The following CDH13 variants were observed in gnomAD, a reference collection of about 807,000 sequenced individuals.
CDH13 encodes cadherin 13.
In CDH13, 24 loss-of-function variants were observed where a neutral mutation model predicts 63.8. The observed-to-expected ratio is 0.38, with a 90% CI of 0.27 to 0.53. The LOEUF is 0.53. CDH13 is among the 20% of genes least tolerant of loss of function. The pLI is 0.85. For synonymous variants in CDH13, 503 were observed against 355.3 expected, an observed-to-expected ratio of 1.42 and a Z score of -4.67; for missense variants, 1,049 against 903.1, an observed-to-expected ratio of 1.16 and a Z score of -2.07.
chr16:83,782,236 C>G (rs1199366677), intron 12 of CDH13, among the ~76,000 whole-genome samples: 3 of 152,138 alleles, frequency 2.0e-5, no homozygotes, highest in African/African-American at 4.8e-5. Flanking sequence ...ACATATGACC[C>G]TAATCATGTG....
intron 4 of CDH13, among the ~76,000 whole-genome samples, chr16:83,163,902 G>A (rs558589356): frequency 6.6e-6 from 1 of 152,216 alleles, no homozygotes; most frequent in African/African-American, 2.4e-5. Context: ...CCTCGTCGCT[G>A]TCAACATCAT....
At chr16:83,277,043 C>G (rs117439772) in intron 5 of CDH13, among the ~76,000 whole-genome samples, 120 of 152,252 alleles carry the variant, frequency 7.9e-4, no homozygotes, top group Non-Finnish European at 1.6e-3. Flanking sequence ...CCAGGTCTCT[C>G]CAACAACATG....
At chr16:83,120,044 G>T (rs1489717829) in intron 3 of CDH13, among the ~76,000 whole-genome samples, 2 of 56,650 alleles carry the variant, frequency 3.5e-5, no homozygotes, top group Non-Finnish European at 9.0e-5. Flanking sequence ...GACTTCAGTC[G>T]TTCCTTAAGA....
At chr16:83,071,167 C>G (rs2032409688) in intron 3 of CDH13, among the ~76,000 whole-genome samples, 1 of 152,210 alleles carries the variant, frequency 6.6e-6, no homozygotes, top group South Asian at 2.1e-4. Flanking sequence ...TCTGAACATT[C>G]TCAGAAAAGC....
At chr16:83,546,474 T>C (rs975069698) in intron 7 of CDH13, among the ~76,000 whole-genome samples, 2 of 152,168 alleles carry the variant, frequency 1.3e-5, no homozygotes, top group African/African-American at 4.8e-5. Flanking sequence ...ATTGCTTCTT[T>C]TTTTTTTCTC....
At chr16:83,352,568 A>G (rs2090975557) in intron 6 of CDH13, among the ~76,000 whole-genome samples, 1 of 152,196 alleles carries the variant, frequency 6.6e-6, no homozygotes, top group South Asian at 2.1e-4. Context: ...ACATACACAC[A>G]CACAATGGAA....
intron 6 of CDH13, among the ~76,000 whole-genome samples, chr16:83,380,475 A>G (rs747961161): frequency 3.9e-5 from 6 of 152,206 alleles, no homozygotes; most frequent in Non-Finnish European, 7.3e-5. Flanking sequence ...CTTTCTATCT[A>G]CCTACCTAAT....
At chr16:82,798,279 C>T (rs1447447312) in intron 1 of CDH13, among the ~76,000 whole-genome samples, 5 of 152,158 alleles carry the variant, frequency 3.3e-5, no homozygotes, top group South Asian at 2.1e-4. Context: ...TAAGCATTTT[C>T]GTAGGAGCCG....
At chr16:82,936,241 T>C (rs1176102466) in intron 2 of CDH13, among the ~76,000 whole-genome samples, 1 of 152,168 alleles carries the variant, frequency 6.6e-6, no homozygotes, top group African/African-American at 2.4e-5. Context: ...ATTTTCTTTG[T>C]TAGAAAATTA....
chr16:83,102,948 C>CTTTTTTTTTTTTTTTTTTTTTTTTT (rs71148813), intron 3 of CDH13, among the ~76,000 whole-genome samples: 2 of 69,022 alleles, frequency 2.9e-5, no homozygotes, highest in Non-Finnish European at 5.0e-5. Flanking sequence ...TTTTCTTTTT[C>CTTTTTTTTTTTTTTTTTTTTTTTTT]TTTTTTTTTT....
intron 5 of CDH13, among the ~76,000 whole-genome samples, chr16:83,270,666 C>A (rs1410571941): frequency 6.6e-6 from 1 of 152,164 alleles, no homozygotes; most frequent in African/African-American, 2.4e-5. Context: ...CAATAACTCT[C>A]CCTCACGCTT....
chr16:82,839,173 T>C (rs9934819), intron 1 of CDH13, among the ~76,000 whole-genome samples: 48,128 of 152,162 alleles, frequency 0.32, 8,847 homozygotes, highest in East Asian at 0.81. Context: ...GAATAAATCT[T>C]TGCAGGCTGC....
At chr16:83,732,764 C>G (rs190411844) in intron 10 of CDH13, among the ~76,000 whole-genome samples, 7 of 152,290 alleles carry the variant, frequency 4.6e-5, no homozygotes, top group African/African-American at 1.7e-4. Flanking sequence ...CCAGGGGCAC[C>G]AAACCCAACT....
chr16:83,711,701 G>C (rs1355344415), intron 10 of CDH13, among the ~76,000 whole-genome samples: 1 of 152,098 alleles, frequency 6.6e-6, no homozygotes, highest in Non-Finnish European at 1.5e-5. Context: ...ATTTTTAGTA[G>C]AGACGGGATT....
At chr16:83,249,251 G>A (rs185371991) in intron 5 of CDH13, among the ~76,000 whole-genome samples, 12 of 152,234 alleles carry the variant, frequency 7.9e-5, no homozygotes, top group South Asian at 2.1e-4. Flanking sequence ...TGGTTGGCAC[G>A]CTTGAGCCAG....
At chr16:83,146,207 AAAAG>A (rs1289098142) in intron 4 of CDH13, among the ~76,000 whole-genome samples, 1 of 133,416 alleles carries the variant, frequency 7.5e-6, no homozygotes, top group African/African-American at 4.0e-5. Flanking sequence ...AAAAAAAAAA[AAAAG>A]AAAAGAAAAG....
chr16:83,340,676 G>C (rs978994690), intron 5 of CDH13, among the ~76,000 whole-genome samples: 1 of 152,158 alleles, frequency 6.6e-6, no homozygotes, highest in African/African-American at 2.4e-5. Context: ...CAGCTCCTGG[G>C]GGATGCCAAT....
chr16:83,690,590 G>C (rs1436462113), intron 10 of CDH13, among the ~76,000 whole-genome samples: 2 of 152,158 alleles, frequency 1.3e-5, no homozygotes, highest in African/African-American at 2.4e-5. Context: ...GCAATTAAGG[G>C]AAAGGGAGAC....
intron 8 of CDH13, among the ~76,000 whole-genome samples, chr16:83,662,518 T>A (rs1913529189): frequency 6.6e-6 from 1 of 152,140 alleles, no homozygotes; most frequent in African/African-American, 2.4e-5. Context: ...TGGGATTTGC[T>A]CCAAACAGTG....
Sources: gnomAD v4.1 joint callset for allele counts (sites outside exome capture counted in the v4.1 genomes callset) on GRCh38, gnomAD v4.1.1 for gene constraint, MANE v1.5 for transcripts, NCBI Gene and HGNC (gene_info 2026-07-23, HGNC 2026-07-21) for gene names.